The following DNMT3A variants were observed in gnomAD, a reference collection of about 807,000 sequenced individuals.
DNMT3A encodes DNA (cytosine-5)-methyltransferase 3A.
Under a neutral mutation model 117.6 loss-of-function variants are expected in DNMT3A, and 267 were observed. The ratio of observed to expected loss-of-function variants is 2.27; its 90% CI spans 2.05 to 2.51. DNMT3A has a LOEUF of 2.51. DNMT3A is among the 30% of genes most tolerant of loss of function. The pLI is 0.00. For missense variants in DNMT3A, 1,029 were observed against 1,260.2 expected (o/e 0.82, Z 2.78); for synonymous variants, 432 against 474.8 (o/e 0.91, Z 1.17).
rs75226788 is a variant in DNMT3A, at chr2:25,285,781, C to T, written c.178-3070G>A. The stretch of plus-strand genomic sequence containing the variant: ...CCTGCTTAAGCAAAGAGGGCATTTC[C>T]AGCCTAGAATGGTCCTCCCTGGTGT... On this transcript the variant is annotated intron_variant, in intron 3 of 22. Coordinates refer to ENST00000321117, the MANE Select transcript of DNMT3A (RefSeq NM_022552.5). Among the ~76,000 whole-genome samples, 514 of 152,334 alleles carry T rather than the reference C, an allele frequency of 3.4e-3. 1 individual carries two copies. The highest frequency in any genetic ancestry group is 0.012 in the African/African-American group (481 of 41,576).
At chr2:25,288,798 C>G (rs959698223) in intron 3 of DNMT3A, among the ~76,000 whole-genome samples, 1 of 152,158 alleles carries the variant, frequency 6.6e-6, no homozygotes, top group African/African-American at 2.4e-5. Flanking sequence ...TCCCAGTTGC[C>G]TCTCCCCCAG....
intron 1 of DNMT3A, among the ~76,000 whole-genome samples, chr2:25,330,768 C>T (rs1040152995): frequency 3.3e-5 from 5 of 152,238 alleles, no homozygotes; most frequent in African/African-American, 1.2e-4. Context: ...CCTCTGCTCT[C>T]CCGGACAGCT....
intron 6 of DNMT3A, among the ~76,000 whole-genome samples, chr2:25,259,874 A>G (rs1204392074): frequency 2.0e-5 from 3 of 152,222 alleles, no homozygotes; most frequent in Admixed American, 6.5e-5. Flanking sequence ...CTATTGCTGA[A>G]AACAGCAGGA....
rs1339787655 is a variant in DNMT3A at position 25,297,302 on chromosome 2, C to T, written c.177+2837G>A. On this transcript the variant is annotated intron_variant, in intron 3 of 22. Coordinates refer to ENST00000321117, the MANE Select transcript of DNMT3A (RefSeq NM_022552.5). Reference sequence around the variant, plus strand: ...TACCATGCTCCTCCTCACCCTGGGCCTCTCCTGAGAGGCCAGGCGACGGCA... The same window carrying T: ...TACCATGCTCCTCCTCACCCTGGGCTTCTCCTGAGAGGCCAGGCGACGGCA... 3.3e-5 allele frequency among the ~76,000 whole-genome samples: 5 copies of T among 152,136 alleles called. No individual in the cohort carries two copies. In the East Asian group the frequency reaches 9.6e-4, roughly 29 times the overall value.
At chr2:25,238,755 A>G (rs572801129) in intron 20 of DNMT3A, among the ~76,000 whole-genome samples, 4 of 151,860 alleles carry the variant, frequency 2.6e-5, no homozygotes, top group African/African-American at 7.2e-5. Context: ...TGTGGCCACA[A>G]CTCCCCTTCC....
intron 6 of DNMT3A, 95 bp downstream of exon 6, chr2:25,274,846 T>C: frequency 6.6e-7 from 1 of 1,514,380 alleles, no homozygotes; most frequent in Non-Finnish European, 8.9e-7. Context: ...CCCAGTAAGT[T>C]CTAAGGGTTA....
At chr2:25,253,152 GGCCTCCAGGTGCA>G (rs1675800421) in intron 6 of DNMT3A, among the ~76,000 whole-genome samples, 2 of 152,144 alleles carry the variant, frequency 1.3e-5, no homozygotes, top group South Asian at 2.1e-4. Context: ...CTCCAGGTGC[GGCCTCCAGGTGCA>G]GCCTCCGCCA....
At chr2:25,270,239 C>T (rs933873109) in intron 6 of DNMT3A, among the ~76,000 whole-genome samples, 1 of 152,238 alleles carries the variant, frequency 6.6e-6, no homozygotes, top group Non-Finnish European at 1.5e-5. Context: ...TCAGCCCTCC[C>T]CTAAATTCCA....
chr2:25,326,116 G>A (rs866247977), intron 1 of DNMT3A, among the ~76,000 whole-genome samples: 2 of 131,462 alleles, frequency 1.5e-5, no homozygotes, highest in African/African-American at 5.9e-5. Flanking sequence ...ATATGTGTGT[G>A]TGTGTGTGTG....
chr2:25,253,251 C>T (rs1282284391), intron 6 of DNMT3A, among the ~76,000 whole-genome samples: 1 of 152,162 alleles, frequency 6.6e-6, no homozygotes, highest in African/African-American at 2.4e-5. Context: ...CCCTCCATTA[C>T]GTTGGCTGTA....
In DNMT3A at chr2:25,234,252, C is replaced by T. The variant is rs774031978; in HGVS notation, c.*27G>A. ...TTTGTTTGTTTGTTTAACTTTGTGTCGCTACCTCAGTTTGCCCCCATGTCC... is the reference window on the plus strand; with the variant it reads ...TTTGTTTGTTTGTTTAACTTTGTGTTGCTACCTCAGTTTGCCCCCATGTCC... On this transcript the variant is annotated 3_prime_UTR_variant, in exon 23 of 23. Coordinates refer to ENST00000321117, the MANE Select transcript of DNMT3A (RefSeq NM_022552.5). The surrounding 1 kb of genome is among the most constrained non-coding windows in gnomAD (Gnocchi z 4.5). The T allele has an allele frequency of 1.1e-5, 18 of 1,589,644 alleles. No individual in the cohort carries two copies. Among genetic ancestry groups the T allele is most frequent in the Non-Finnish European group, 1.2e-5 (14 of 1,164,396 alleles).
chr2:25,236,870 G>T lies in DNMT3A; in HGVS notation c.2478+66C>A. 1 of 1,526,054 alleles carries T rather than the reference G, an allele frequency of 6.6e-7. No homozygotes were observed. The allele number at this position is 1,526,054 out of a possible 1,614,324, so 94.5% of individuals were successfully genotyped here. On this transcript the variant is annotated intron_variant, in intron 21 of 22. Transcript: ENST00000321117. This position sits in a 1 kb window ranked among gnomAD's most constrained non-coding sequence, Gnocchi z 4.5. ...CAGGCGGGACAAGGCCCTGGCCACC[G>T]CTCCACCTCATCCTGCCCTTCCTTC...
rs368553645 is a variant in DNMT3A at position 25,296,482 on chromosome 2, C to A, written c.177+3657G>T. ...TGAGGGGCTGGAATTCAGATCTTGT[C>A]CCCTAAAAAATGGAGTCCCGGGGGG... is the stretch of plus-strand genomic sequence containing the variant. On this transcript the variant is annotated intron_variant, in intron 3 of 22. Transcript: ENST00000321117. This position sits in a 1 kb window ranked among gnomAD's most constrained non-coding sequence, Gnocchi z 4.2. Among the ~76,000 whole-genome samples the A allele has an allele frequency of 6.6e-6, 1 of 152,108 alleles. No individual in the cohort carries two copies. Among genetic ancestry groups the A allele is most frequent in the Non-Finnish European group, 1.5e-5 (1 of 68,020 alleles).
intron 6 of DNMT3A, among the ~76,000 whole-genome samples, chr2:25,274,049 G>C (rs538340834): frequency 6.6e-6 from 1 of 152,090 alleles, no homozygotes; most frequent in South Asian, 2.1e-4. Context: ...TCTGTCGCCC[G>C]TACTTCCCTA....
intron 1 of DNMT3A, among the ~76,000 whole-genome samples, chr2:25,325,365 A>G (rs1333864467): frequency 6.6e-6 from 1 of 152,184 alleles, no homozygotes; most frequent in African/African-American, 2.4e-5. Flanking sequence ...AGAATCAGAC[A>G]CATGGTCCTG....
Position 25,234,519 on chromosome 2 carries a change from C to T in DNMT3A, c.2598-99G>A. 2.1e-6 allele frequency: 3 copies of T among 1,408,622 alleles called. No individual in the cohort carries two copies. Among genetic ancestry groups the T allele is most frequent in the Non-Finnish European group, 2.8e-6 (3 of 1,053,588 alleles). 87.3% of individuals were successfully genotyped at this position (1,408,622 alleles called of 1,614,324 possible). A position where few individuals can be genotyped will look rare whatever the true frequency, so the allele number is the denominator to read the frequency against. ...CAGCAGGACCCGGAGGACCAGCAGC[C>T]ACCCGAAGTGCAGGGACAGGGGCAC... On this transcript the variant is annotated intron_variant, in intron 22 of 22. Transcript: ENST00000321117. The surrounding 1 kb of genome is among the most constrained non-coding windows in gnomAD (Gnocchi z 4.5).
chr2:25,239,256 G>C lies in DNMT3A; in HGVS notation c.2323-41C>G, dbSNP rs1211468880. 3.8e-6 allele frequency: 6 copies of C among 1,572,794 alleles called. No homozygotes were observed. The Admixed American group carries it at 6.8e-5, about 18-fold the overall frequency. The stretch of plus-strand genomic sequence containing the variant: ...CGGTTTGAAGATGAGCCAAGGAGGA[G>C]CATGAAACAGCGCCGGCATGCTGCT... On this transcript the variant is annotated intron_variant, in intron 19 of 22. Coordinates refer to ENST00000321117, the MANE Select transcript of DNMT3A (RefSeq NM_022552.5).
At chr2:25,309,617 G>A (rs1232469784) in intron 2 of DNMT3A, among the ~76,000 whole-genome samples, 1 of 152,208 alleles carries the variant, frequency 6.6e-6, no homozygotes, top group African/African-American at 2.4e-5. Flanking sequence ...GCAGAAGCCA[G>A]CCTCATTCCA....
At position 25,247,349 on chromosome 2, in the gene DNMT3A, G is replaced by A. The variant is rs1674938557; in HGVS notation, c.1015-191C>T. 1.3e-5 allele frequency: 10 copies of A among 783,098 alleles called. No individual in the cohort carries two copies. The highest frequency in any genetic ancestry group is 1.7e-5 in the African/African-American group (1 of 57,338). The allele number at this position is 783,098 out of a possible 1,614,324, so 48.5% of individuals were successfully genotyped here. ...AGAGTAGGGAAGTACCTGAGTGCAG[G>A]TGGAAAGGAATTCTAGTGAATAGGT... On this transcript the variant is annotated intron_variant, in intron 8 of 22. Transcript: ENST00000321117. This position sits in a 1 kb window ranked among gnomAD's most constrained non-coding sequence, Gnocchi z 5.6.
Sources: allele counts gnomAD v4.1 joint callset (sites outside exome capture counted in the v4.1 genomes callset), GRCh38; gene constraint gnomAD v4.1.1; non-coding constraint Gnocchi (gnomAD v3.1); transcripts MANE v1.5; gene names NCBI Gene and HGNC (gene_info 2026-07-23, HGNC 2026-07-21).